The following PDCL variants were observed in gnomAD, a reference collection of about 807,000 sequenced individuals.
PDCL encodes the protein phosducin like.
Under a neutral mutation model 26.7 loss-of-function variants are expected in PDCL, and 11 were observed. The observed-to-expected ratio is 0.41, with a 90% CI of 0.26 to 0.68. The LOEUF is 0.68. Ranked by LOEUF, PDCL falls within the 30% of genes least tolerant of loss-of-function variation. The pLI is 0.30. For synonymous variants in PDCL, 118 were observed against 134.9 expected, an observed-to-expected ratio of 0.87 and a Z score of 0.87; for missense variants, 330 against 371.6, an observed-to-expected ratio of 0.89 and a Z score of 0.92.
chr9:122,821,082 T>C (rs1341532993), intron 3 of PDCL, among the ~76,000 whole-genome samples: 1 of 152,114 alleles, frequency 6.6e-6, no homozygotes, highest in African/African-American at 2.4e-5. Flanking sequence ...TTTACATGCA[T>C]TATATCTCAC....
rs1243592961 is a variant in PDCL at position 122,818,460 on chromosome 9, T to TAA, written c.*1623_*1624dup. 6.6e-6 allele frequency: 1 copy of TAA among 152,002 alleles called. No individual in the cohort carries two copies. The highest frequency in any genetic ancestry group is 1.5e-5 in the Non-Finnish European group (1 of 68,010). 9.4% of individuals were successfully genotyped at this position (152,002 alleles called of 1,614,324 possible). The stretch of plus-strand genomic sequence containing the variant: ...AAATTCAGTAAGTACTCAATGTTTA[T>TAA]AAAAATATTGAAAAAAGACTGAAAG... On this transcript the variant is annotated 3_prime_UTR_variant, in exon 4 of 4. Transcript: ENST00000259467.
intron 1 of PDCL, among the ~76,000 whole-genome samples, chr9:122,827,889 ACTC>A (rs1829649321): frequency 1.3e-5 from 2 of 151,948 alleles, no homozygotes; most frequent in African/African-American, 4.8e-5. Flanking sequence ...GGCCTATCAT[ACTC>A]CATTTACAAA....
intron 2 of PDCL, among the ~76,000 whole-genome samples, chr9:122,825,242 A>C (rs1418674620): frequency 6.6e-6 from 1 of 151,880 alleles, no homozygotes; most frequent in Non-Finnish European, 1.5e-5. Flanking sequence ...GCTCACTGCA[A>C]CCTCTGCCTC....
In PDCL at chr9:122,823,064, C is replaced by T. The variant is rs1829573345; in HGVS notation, c.306G>A (p.Glu102=). The change falls in exon 3 of 4, where the codon GAG becomes GAA. Residue 102 remains glutamate (E), a synonymous_variant. Transcript: ENST00000259467. ...GGTCTTTCTGTTTCTGTTGCTCCTC[C>T]TCTTCATCCAGATGGGACCTGCAAG... The part of the protein sequence containing the change: ...SMTCRSHLDE[E]EEQQKQKDLQ... 1.9e-6 allele frequency: 3 copies of T among 1,614,176 alleles called. No homozygotes were observed. Among genetic ancestry groups the T allele is most frequent in the Non-Finnish European group, 2.5e-6 (3 of 1,180,032 alleles).
At position 122,818,761 on chromosome 9, in the gene PDCL, ATAAT is replaced by A. The variant is rs1829517268; in HGVS notation, c.*1320_*1323del. 6.6e-6 allele frequency: 1 copy of A among 152,088 alleles called. No homozygotes were observed. 9.4% of individuals were successfully genotyped at this position (152,088 alleles called of 1,614,324 possible). On this transcript the variant is annotated 3_prime_UTR_variant, in exon 4 of 4. Transcript: ENST00000259467. ...TAAAAAAAGGAAAAAAACGCAAATGATAATTATTATAAATACATAGAAAAAAAGG... is the reference window on the plus strand; with the variant it reads ...TAAAAAAAGGAAAAAAACGCAAATGATATTATAAATACATAGAAAAAAAGG...
At position 122,822,124 on chromosome 9, in the gene PDCL, T is replaced by C. The variant is rs528760245; in HGVS notation, c.354+892A>G. On this transcript the variant is annotated intron_variant, in intron 3 of 3. Coordinates refer to ENST00000259467, the MANE Select transcript of PDCL (RefSeq NM_005388.5). ...AGGTGAATGATTCCCAGCTTAATCC[T>C]CTTATCTGCTCCCTGATCCTGTGTG... 2.0e-5 allele frequency among the ~76,000 whole-genome samples: 3 copies of C among 152,272 alleles called. No homozygotes were observed. The South Asian group carries it at 6.2e-4, about 32-fold the overall frequency.
intron 3 of PDCL, among the ~76,000 whole-genome samples, chr9:122,821,121 C>T (rs1164889017): frequency 6.6e-6 from 1 of 152,124 alleles, no homozygotes; most frequent in Non-Finnish European, 1.5e-5. Flanking sequence ...CGGGAAGGGA[C>T]TTTTAATAGC....
intron 2 of PDCL, among the ~76,000 whole-genome samples, chr9:122,826,379 A>G (rs559792141): frequency 6.6e-6 from 1 of 152,186 alleles, no homozygotes; most frequent in Non-Finnish European, 1.5e-5. Flanking sequence ...TGTTAATACG[A>G]GATGCAGGAT....
chr9:122,824,797 T>C (rs1445083298), intron 2 of PDCL, among the ~76,000 whole-genome samples: 3 of 152,170 alleles, frequency 2.0e-5, no homozygotes, highest in African/African-American at 7.2e-5. Context: ...GCTCCTAAAT[T>C]TCCTTTGGAA....
At chr9:122,823,809 G>C (rs1483327595) in intron 2 of PDCL, among the ~76,000 whole-genome samples, 2 of 146,488 alleles carry the variant, frequency 1.4e-5, no homozygotes, top group African/African-American at 5.2e-5. Context: ...TTGCTCTGTG[G>C]CCCAGGCTGG....
chr9:122,826,541 T>C, intron 2 of PDCL, 75 bp downstream of exon 2: 1 of 1,210,102 alleles, frequency 8.3e-7, no homozygotes, highest in Non-Finnish European at 1.1e-6. Context: ...ATTAATTTAT[T>C]AATATGTATT....
intron 1 of PDCL, among the ~76,000 whole-genome samples, chr9:122,827,104 T>G (rs576424051): frequency 2.0e-4 from 31 of 152,262 alleles, no homozygotes; most frequent in Admixed American, 7.2e-4. Context: ...ATTACTCTAG[T>G]CTGAGTTAAG....
In PDCL at chr9:122,828,576, AAAGAG is replaced by A. The variant is rs1471923805; in HGVS notation, c.-116_-112del. The A allele has an allele frequency of 6.6e-6, 1 of 152,226 alleles. No individual in the cohort carries two copies. The allele number at this position is 152,226 out of a possible 1,614,324, so 9.4% of individuals were successfully genotyped here. A position where few individuals can be genotyped will look rare whatever the true frequency, so the allele number is the denominator to read the frequency against. Reference sequence around the variant, plus strand: ...GCAGTGGGTCAGCGCCCTGAGCGCTAAAGAGAAAAGCCGCCGAAGCCCGACAGCGC... The same window carrying A: ...GCAGTGGGTCAGCGCCCTGAGCGCTAAAAAGCCGCCGAAGCCCGACAGCGC... On this transcript the variant is annotated 5_prime_UTR_variant, in exon 1 of 4. Transcript: ENST00000259467.
chr9:122,828,069 T>A (rs1829651120), intron 1 of PDCL, among the ~76,000 whole-genome samples: 1 of 151,998 alleles, frequency 6.6e-6, no homozygotes, highest in South Asian at 2.1e-4. Context: ...GAGACAGGGA[T>A]CATGGAGAGA....
chr9:122,824,318 A>G (rs1437766011), intron 2 of PDCL, among the ~76,000 whole-genome samples: 1 of 152,166 alleles, frequency 6.6e-6, no homozygotes, highest in Non-Finnish European at 1.5e-5. Context: ...GCCATGTCTG[A>G]GCAAAACAAA....
rs1829531454 is a variant in PDCL, at chr9:122,819,996, T to G, written c.*89A>C. The stretch of plus-strand genomic sequence containing the variant: ...AATAAAAGGGACTACAAAGAACAGC[T>G]GAAAAGCCAGAAGACAAAGGAACAA... On this transcript the variant is annotated 3_prime_UTR_variant, in exon 4 of 4. Coordinates refer to ENST00000259467, the MANE Select transcript of PDCL (RefSeq NM_005388.5). 1 of 1,123,174 alleles carries G rather than the reference T, an allele frequency of 8.9e-7. No homozygotes were observed. The highest frequency in any genetic ancestry group is 2.4e-5 in the Admixed American group (1 of 41,150). The allele number at this position is 1,123,174 out of a possible 1,614,324, so 69.6% of individuals were successfully genotyped here. A position where few individuals can be genotyped will look rare whatever the true frequency, so the allele number is the denominator to read the frequency against.
intron 2 of PDCL, among the ~76,000 whole-genome samples, 192 bp downstream of exon 2, chr9:122,826,424 T>C (rs530036268): frequency 6.6e-6 from 1 of 152,214 alleles, no homozygotes; most frequent in East Asian, 1.9e-4. Flanking sequence ...ATTACCATGC[T>C]GCTATGCACA....
intron 3 of PDCL, 141 bp downstream of exon 3, chr9:122,822,875 A>G: frequency 1.4e-6 from 1 of 727,538 alleles, no homozygotes; most frequent in Non-Finnish European, 2.3e-6. Context: ...GGTGGGTTTG[A>G]GTTTTGACAG....
chr9:122,818,919 A>C lies in PDCL; in HGVS notation c.*1166T>G, dbSNP rs1829519122. On this transcript the variant is annotated 3_prime_UTR_variant, in exon 4 of 4. Transcript: ENST00000259467. ...ATCTATCACTTTTGTAATTTAAAAA[A>C]AGTATTTGCTATCTTTCTTTTTAAG... The C allele has an allele frequency of 6.6e-6, 1 of 152,148 alleles. No homozygotes were observed. Among genetic ancestry groups the C allele is most frequent in the Non-Finnish European group, 1.5e-5 (1 of 68,008 alleles). The allele number at this position is 152,148 out of a possible 1,614,324, so 9.4% of individuals were successfully genotyped here. A position where few individuals can be genotyped will look rare whatever the true frequency, so the allele number is the denominator to read the frequency against.
Sources: allele counts gnomAD v4.1 joint callset (sites outside exome capture counted in the v4.1 genomes callset), GRCh38; gene constraint gnomAD v4.1.1; transcripts MANE v1.5; gene names NCBI Gene and HGNC (gene_info 2026-07-23, HGNC 2026-07-21).